The following SDF4 variants were observed in gnomAD, a reference collection of about 807,000 sequenced individuals.
SDF4 encodes stromal cell derived factor 4.
Under a neutral mutation model 34.2 loss-of-function variants are expected in SDF4, and 22 were observed. The ratio of observed to expected loss-of-function variants is 0.64; its 90% confidence interval spans 0.46 to 0.92. The LOEUF (loss-of-function observed/expected upper bound fraction) is 0.92, where lower values mean the gene tolerates loss of function less well. Among genes scored for constraint, SDF4 ranks in the 40% least tolerant of loss-of-function variants. The probability of loss-of-function intolerance (pLI) is 0.00; values close to 1 mark genes in which losing one functional copy is unlikely to be tolerated. For synonymous variants in SDF4, 236 were observed against 203.1 expected, an observed-to-expected ratio of 1.16 and a Z score of -1.38; for missense variants, 447 against 499.9, an observed-to-expected ratio of 0.89 and a Z score of 1.01.
intron 4 of SDF4, chr1:1,219,969 G>C (rs1351555047): frequency 5.1e-6 from 5 of 985,656 alleles, no homozygotes; most frequent in East Asian, 1.1e-4. Context: ...GAAGACAGGA[G>C]TGACGGGGCT....
At chr1:1,223,996 C>G in intron 2 of SDF4, 28 bp from the exon 3 acceptor site, 13 of 1,606,294 alleles carry the variant, frequency 8.1e-6, no homozygotes, top group Non-Finnish European at 1.1e-5. Context: ...GGCAGGTGGC[C>G]GTCAGACTGG....
At position 1,217,860 on chromosome 1, in the gene SDF4, CG is replaced by C; in HGVS notation, c.892-173del. Reference sequence around the variant, plus strand: ...ATGAAAACACAGGGCAGGGAGAAGCCGGGGGCCCCGGAAGGCCTGCCCGGGG... The same window carrying C: ...ATGAAAACACAGGGCAGGGAGAAGCCGGGGCCCCGGAAGGCCTGCCCGGGG... On this transcript the variant is annotated intron_variant, in intron 6 of 6. Coordinates refer to ENST00000360001, the MANE Select transcript of SDF4 (RefSeq NM_016176.6). The surrounding 1 kb of genome is among the most constrained non-coding windows in gnomAD (Gnocchi z 8.5). 3 of 1,480,344 alleles carry C rather than the reference CG, an allele frequency of 2.0e-6. No individual in the cohort carries two copies. The highest frequency in any genetic ancestry group is 2.7e-6 in the Non-Finnish European group (3 of 1,121,394). The allele number at this position is 1,480,344 out of a possible 1,614,324, so 91.7% of individuals were successfully genotyped here. A position where few individuals can be genotyped will look rare whatever the true frequency, so the allele number is the denominator to read the frequency against.
chr1:1,226,265 A>T (rs1638304202), intron 2 of SDF4, among the ~76,000 whole-genome samples: 2 of 152,190 alleles, frequency 1.3e-5, no homozygotes, highest in Admixed American at 6.5e-5. Context: ...GGAAGCGGGA[A>T]GGAAGTGAAG....
Position 1,229,318 on chromosome 1 carries a change from C to T in SDF4, c.-174-372G>A, listed in dbSNP as rs1359805119. Reference sequence around the variant, plus strand: ...ATGCTCTGGGCTCAGGTGATGCTCTCGCCTCAGCCACCGGAGCAGCTGCGA... The same window carrying T: ...ATGCTCTGGGCTCAGGTGATGCTCTTGCCTCAGCCACCGGAGCAGCTGCGA... On this transcript the variant is annotated intron_variant, in intron 1 of 6. Coordinates refer to ENST00000360001, the MANE Select transcript of SDF4 (RefSeq NM_016176.6). 3.3e-5 allele frequency among the ~76,000 whole-genome samples: 5 copies of T among 152,294 alleles called. No individual in the cohort carries two copies. In the South Asian group the frequency reaches 1.0e-3, roughly 32 times the overall value.
chr1:1,221,148 T>G, intron 4 of SDF4: 1 of 234,454 alleles, frequency 4.3e-6, no homozygotes, highest in Non-Finnish European at 8.6e-6. Context: ...AAACTCCAGA[T>G]AAGAGTACGT....
chr1:1,227,619 C>A lies in SDF4; in HGVS notation c.305+849G>T, dbSNP rs150971644. On this transcript the variant is annotated intron_variant, in intron 2 of 6. Coordinates refer to ENST00000360001, the MANE Select transcript of SDF4 (RefSeq NM_016176.6). ...TGGCCTGGGGGACTCACGGGCACGC[C>A]CTGACCCTGCTCTGCCTCCAGGGGT... is the stretch of plus-strand genomic sequence containing the variant. Among the ~76,000 whole-genome samples, 1,218 of 152,306 alleles carry A rather than the reference C, an allele frequency of 8.0e-3. 17 individuals are homozygous for A. Among genetic ancestry groups the A allele is most frequent in the African/African-American group, 0.028 (1,148 of 41,564 alleles).
chr1:1,223,690 AC>A, intron 3 of SDF4, 141 bp downstream of exon 3: 1 of 813,724 alleles, frequency 1.2e-6, no homozygotes, highest in Non-Finnish European at 1.9e-6. Flanking sequence ...CGTGCACCCC[AC>A]CACACCTCGG....
chr1:1,225,278 G>C (rs113708998), intron 2 of SDF4, among the ~76,000 whole-genome samples: 1 of 152,230 alleles, frequency 6.6e-6, no homozygotes, highest in South Asian at 2.1e-4. Flanking sequence ...CGGCTGGTGC[G>C]TTTGCCGGAG....
At chr1:1,219,402 G>T in intron 4 of SDF4, 1 of 1,027,414 alleles carries the variant, frequency 9.7e-7, no homozygotes, top group Non-Finnish European at 1.2e-6. Flanking sequence ...ATGGGCCTGG[G>T]CCCCACCCCC....
chr1:1,231,559 G>A (rs768693244), intron 1 of SDF4, among the ~76,000 whole-genome samples: 1 of 152,256 alleles, frequency 6.6e-6, no homozygotes, highest in African/African-American at 2.4e-5. Flanking sequence ...GCAGGGAAGC[G>A]GGGCAGCTTG....
chr1:1,227,842 G>A (rs912464774), intron 2 of SDF4, among the ~76,000 whole-genome samples: 4 of 152,200 alleles, frequency 2.6e-5, no homozygotes, highest in Non-Finnish European at 2.9e-5. Flanking sequence ...TAGGCACAGA[G>A]GCAGCAAGAG....
rs760909496 is a variant in SDF4, at chr1:1,223,851, G to A, written c.423C>T (p.Ala141=). 2.7e-5 allele frequency: 37 copies of A among 1,362,950 alleles called. No individual in the cohort carries two copies. In the East Asian group the frequency reaches 1.1e-3, roughly 40 times the overall value. 84.4% of individuals were successfully genotyped at this position (1,362,950 alleles called of 1,614,324 possible). A position where few individuals can be genotyped will look rare whatever the true frequency, so the allele number is the denominator to read the frequency against. ...AMEESKTHFR[A]VDPDGDGHVS... ...CAGTACCGTCCCCGTCAGGGTCCACGGCGCGGAAGTGTGTCTTGCTCTCCT... is the reference window on the plus strand; with the variant it reads ...CAGTACCGTCCCCGTCAGGGTCCACAGCGCGGAAGTGTGTCTTGCTCTCCT... The change falls in exon 3 of 7, where the codon GCC becomes GCT. Residue 141 remains alanine (A), a synonymous_variant. Coordinates refer to ENST00000360001, the MANE Select transcript of SDF4 (RefSeq NM_016176.6).
chr1:1,231,704 T>G (rs1638507334), intron 1 of SDF4, among the ~76,000 whole-genome samples, 188 bp downstream of exon 1: 1 of 149,670 alleles, frequency 6.7e-6, no homozygotes, highest in Admixed American at 6.6e-5. Flanking sequence ...CGTCGGCCTG[T>G]CCCTGCCCCC....
intron 1 of SDF4, among the ~76,000 whole-genome samples, chr1:1,230,753 C>A (rs1638468346): frequency 6.6e-6 from 1 of 152,208 alleles, no homozygotes; most frequent in African/African-American, 2.4e-5. Context: ...GCCATGCACC[C>A]GGCCTGATTT....
intron 4 of SDF4, among the ~76,000 whole-genome samples, chr1:1,222,386 G>A (rs989371878): frequency 1.2e-4 from 18 of 147,188 alleles, no homozygotes; most frequent in African/African-American, 4.4e-4. Flanking sequence ...GCCCCACCCG[G>A]CCCCACCCTC....
chr1:1,221,136 C>A, intron 4 of SDF4: 1 of 257,858 alleles, frequency 3.9e-6, no homozygotes, highest in Admixed American at 4.9e-5. Context: ...ACGGACAGGA[C>A]CAAACTCCAG....
intron 4 of SDF4, chr1:1,219,630 GC>G: frequency 1.0e-6 from 1 of 986,086 alleles, no homozygotes; most frequent in Non-Finnish European, 1.2e-6. Flanking sequence ...TGGGTGTGTG[GC>G]CCCCGCTCTC....
rs756673620 is a variant in SDF4 at position 1,217,480 on chromosome 1, C to A, written c.*32G>T. The stretch of plus-strand genomic sequence containing the variant: ...CACCCGCGAGGCCGCCCCGGTGGTG[C>A]GTGGGGGGCGGCGCGGGGCGCGGCC... On this transcript the variant is annotated 3_prime_UTR_variant, in exon 7 of 7. Coordinates refer to ENST00000360001, the MANE Select transcript of SDF4 (RefSeq NM_016176.6). This position sits in a 1 kb window ranked among gnomAD's most constrained non-coding sequence, Gnocchi z 8.5. 1 of 1,462,170 alleles carries A rather than the reference C, an allele frequency of 6.8e-7. No homozygotes were observed. The highest frequency in any genetic ancestry group is 9.0e-7 in the Non-Finnish European group (1 of 1,105,546). The allele number at this position is 1,462,170 out of a possible 1,614,324, so 90.6% of individuals were successfully genotyped here. A position where few individuals can be genotyped will look rare whatever the true frequency, so the allele number is the denominator to read the frequency against.
In SDF4 at chr1:1,224,592, C is replaced by T. The variant is rs115505199; in HGVS notation, c.306-624G>A. Among the ~76,000 whole-genome samples the T allele has an allele frequency of 1.5e-3, 234 of 152,232 alleles. 1 individual carries two copies. The highest frequency in any genetic ancestry group is 5.6e-3 in the African/African-American group (231 of 41,546). On this transcript the variant is annotated intron_variant, in intron 2 of 6. Transcript: ENST00000360001. ...CTGGGCCCGGCCCATGTTTTATTTT[C>T]GATGCTTCAGGTATGGCTACACAAA...
Sources: allele counts gnomAD v4.1 joint callset (sites outside exome capture counted in the v4.1 genomes callset), GRCh38; gene constraint gnomAD v4.1.1; non-coding constraint Gnocchi (gnomAD v3.1); transcripts MANE v1.5; gene names NCBI Gene and HGNC (gene_info 2026-07-23, HGNC 2026-07-21).